Variants in SFXN1 observed in about 807,000 individuals in gnomAD.
SFXN1 encodes the protein sideroflexin 1.
SFXN1 carries 32 observed loss-of-function variants against 39.5 expected under a neutral mutation model. The ratio of observed to expected loss-of-function variants is 0.81; its 90% CI spans 0.61 to 1.09. The LOEUF (loss-of-function observed/expected upper bound fraction) is 1.09. Ranked by LOEUF, SFXN1 falls within the 50% of genes least tolerant of loss-of-function variation. SFXN1 has a pLI of 0.00. For synonymous variants in SFXN1, 136 were observed against 146.5 expected (o/e 0.93, Z 0.52); for missense variants, 402 against 407.1 (o/e 0.99, Z 0.11).
chr5:175,499,061 C>T (rs535321980), intron 2 of SFXN1, among the ~76,000 whole-genome samples: 2 of 152,112 alleles, frequency 1.3e-5, no homozygotes, highest in African/African-American at 4.8e-5. Context: ...TCGAGACCAT[C>T]CTGGCCAACA....
rs913405076 is a variant in SFXN1, at chr5:175,506,572, G to A, written c.165-2460G>A. Among the ~76,000 whole-genome samples, 5 of 152,130 alleles carry A rather than the reference G, an allele frequency of 3.3e-5. 1 individual carries two copies. On this transcript the variant is annotated intron_variant, in intron 2 of 10. Coordinates refer to ENST00000321442, the MANE Select transcript of SFXN1 (RefSeq NM_022754.7). ...CTTTACAAATGGAGTAAAATTAGAA[G>A]CAATTAATATGCCCAACACTAGGAG...
intron 2 of SFXN1, among the ~76,000 whole-genome samples, chr5:175,503,741 G>A (rs902693870): frequency 1.8e-4 from 27 of 152,026 alleles, no homozygotes; most frequent in African/African-American, 4.4e-4. Context: ...GGTGGCTCAC[G>A]CCCATAATCC....
At position 175,509,079 on chromosome 5, in the gene SFXN1, C is replaced by T. The variant is rs766353252; in HGVS notation, c.212C>T (p.Ala71Val). ...CTTACAGAAAATGAATTGTGGAGAG[C>T]AAAGTACATCTATGATTCAGCTTTT... ...PGLTENELWR[A>V]KYIYDSAFHP... is the part of the protein sequence containing the mutation. The change falls in exon 3 of 11, where the codon GCA becomes GTA. Residue 71 changes from alanine (A) to valine (V), a missense_variant. Coordinates refer to ENST00000321442, the MANE Select transcript of SFXN1 (RefSeq NM_022754.7). The T allele has an allele frequency of 2.4e-5, 39 of 1,613,176 alleles. No homozygotes were observed. In the Admixed American group the frequency reaches 6.4e-4, roughly 26 times the overall value.
intron 3 of SFXN1, 31 bp from the exon 4 acceptor site, chr5:175,510,078 G>A (rs1249062496): frequency 6.3e-7 from 1 of 1,581,884 alleles, no homozygotes; most frequent in South Asian, 1.1e-5. Context: ...GCCCAGTGAT[G>A]GTGGGTATGT....
At chr5:175,522,107 A>T (rs1415499729) in intron 9 of SFXN1, 139 bp downstream of exon 9, 34 of 690,976 alleles carry the variant, frequency 4.9e-5, no homozygotes, top group Non-Finnish European at 7.2e-5. Flanking sequence ...GGCCCCAAAT[A>T]ATTAAATAGA....
chr5:175,479,949 G>A (rs1214365415), intron 1 of SFXN1, among the ~76,000 whole-genome samples: 2 of 152,152 alleles, frequency 1.3e-5, no homozygotes, highest in Non-Finnish European at 2.9e-5. Context: ...GAGGATGCAG[G>A]TAAATGAGGA....
Position 175,509,974 on chromosome 5 carries a change from C to G in SFXN1, c.336-135C>G, listed in dbSNP as rs1166474315. 4.5e-6 allele frequency: 3 copies of G among 671,446 alleles called. No homozygotes were observed. The African/African-American group carries it at 5.4e-5, about 12-fold the overall frequency. The allele number at this position is 671,446 out of a possible 1,614,324, so 41.6% of individuals were successfully genotyped here. On this transcript the variant is annotated intron_variant, in intron 3 of 10. Transcript: ENST00000321442. Reference sequence around the variant, plus strand: ...TAAAAGCTTGCCCAGCACACAGATCCTAAGCCTGTGTGGCCTTATGGCTTT... The same window carrying G: ...TAAAAGCTTGCCCAGCACACAGATCGTAAGCCTGTGTGGCCTTATGGCTTT...
intron 2 of SFXN1, among the ~76,000 whole-genome samples, chr5:175,497,936 GAAAAA>G (rs71581646): frequency 1.0e-5 from 1 of 95,852 alleles, no homozygotes; most frequent in African/African-American, 3.6e-5. Context: ...GTCTCAAAAA[GAAAAA>G]AAAAAAAAAA....
At chr5:175,493,479 G>A (rs1759741163) in intron 2 of SFXN1, among the ~76,000 whole-genome samples, 1 of 152,138 alleles carries the variant, frequency 6.6e-6, no homozygotes, top group African/African-American at 2.4e-5. Context: ...TAAACACTGA[G>A]TCTGGCCAAG....
At chr5:175,481,303 C>A (rs192628713) in intron 1 of SFXN1, among the ~76,000 whole-genome samples, 1 of 152,038 alleles carries the variant, frequency 6.6e-6, no homozygotes, top group Non-Finnish European at 1.5e-5. Flanking sequence ...ATGTTACATC[C>A]GTGTTTTTGT....
intron 2 of SFXN1, among the ~76,000 whole-genome samples, chr5:175,493,619 AT>A (rs1759745954): frequency 6.6e-6 from 1 of 152,366 alleles, no homozygotes; most frequent in South Asian, 2.1e-4. Flanking sequence ...AGAAGTTGAG[AT>A]GAAAAGACAA....
Position 175,512,204 on chromosome 5 carries a change from G to A in SFXN1, c.596+8G>A, listed in dbSNP as rs754682132. ...TCCATTAATGAGGCAAAGGTAAGACGAATATGCACTCTTAGTAGGGACATG... is the reference window on the plus strand; with the variant it reads ...TCCATTAATGAGGCAAAGGTAAGACAAATATGCACTCTTAGTAGGGACATG... On this transcript the variant is annotated splice_region_variant and intron_variant, in intron 6 of 10. Transcript: ENST00000321442. The A allele has an allele frequency of 5.6e-6, 9 of 1,612,056 alleles. No individual in the cohort carries two copies. The highest frequency in any genetic ancestry group is 1.1e-5 in the South Asian group (1 of 91,008).
chr5:175,522,885 A>T (rs191286514), intron 10 of SFXN1: 1 of 154,676 alleles, frequency 6.5e-6, no homozygotes, highest in African/African-American at 2.4e-5. Flanking sequence ...TCTCATCGCA[A>T]ACTGCCCTTG....
At chr5:175,502,262 A>G (rs967167152) in intron 2 of SFXN1, among the ~76,000 whole-genome samples, 3 of 152,132 alleles carry the variant, frequency 2.0e-5, no homozygotes, top group African/African-American at 7.2e-5. Flanking sequence ...TGACCCCTAA[A>G]CTGTAATTTC....
chr5:175,502,415 G>A (rs1760119194), intron 2 of SFXN1, among the ~76,000 whole-genome samples: 1 of 152,142 alleles, frequency 6.6e-6, no homozygotes. Flanking sequence ...CCTATGCCCA[G>A]GAATGAAAAA....
rs765194922 is a variant in SFXN1 at position 175,513,587 on chromosome 5, A to G, written c.721A>G (p.Met241Val). 4 of 1,613,548 alleles carry G rather than the reference A, an allele frequency of 2.5e-6. No individual in the cohort carries two copies. Among genetic ancestry groups the G allele is most frequent in the African/African-American group, 1.3e-5 (1 of 74,998 alleles). Residue 241 changes from methionine to valine, a missense_variant, in exon 7 of 11, where the codon ATG becomes GTG. By Grantham distance (21) the Met-to-Val change is conservative (BLOSUM62 1). Transcript: ENST00000321442. ...VSRILMAAPG[M>V]AIPPFIMNTL... ...CAGGATTCTCATGGCAGCCCCTGGC[A>G]TGGGTTAGCAGGACTTTGTCATTTA...
intron 2 of SFXN1, among the ~76,000 whole-genome samples, chr5:175,496,058 A>C (rs895577924): frequency 4.7e-5 from 7 of 150,528 alleles, no homozygotes; most frequent in Admixed American, 4.6e-4. Flanking sequence ...GCACCACCAC[A>C]CCTGGCTAAT....
rs1308294433 is a variant in SFXN1, at chr5:175,529,239, G to A, written c.*2505G>A. On this transcript the variant is annotated 3_prime_UTR_variant, in exon 11 of 11. Transcript: ENST00000321442. ...TATAATCCCAGCTACTCGGGAGGCT[G>A]AGGTAGGAGAATCGCTTGAATCCGG... 6.6e-6 allele frequency: 1 copy of A among 152,130 alleles called. No homozygotes were observed. The highest frequency in any genetic ancestry group is 2.4e-5 in the African/African-American group (1 of 41,370). 9.4% of individuals were successfully genotyped at this position (152,130 alleles called of 1,614,324 possible).
At chr5:175,482,991 A>AT (rs1759312714) in intron 1 of SFXN1, among the ~76,000 whole-genome samples, 3 of 152,188 alleles carry the variant, frequency 2.0e-5, no homozygotes, top group African/African-American at 7.2e-5. Context: ...AGAGGCCTTC[A>AT]GTGGATATGG....
Sources: allele counts gnomAD v4.1 joint callset (sites outside exome capture counted in the v4.1 genomes callset), GRCh38; gene constraint gnomAD v4.1.1; transcripts MANE v1.5; gene names NCBI Gene and HGNC (gene_info 2026-07-23, HGNC 2026-07-21).